Variants in PLEC observed in about 807,000 individuals in gnomAD.
PLEC encodes hemidesmosomal protein 1.
In PLEC, 216 loss-of-function variants were observed where a neutral mutation model predicts 392.8. The ratio of observed to expected loss-of-function variants is 0.55; its 90% CI spans 0.49 to 0.62. The LOEUF is 0.62. Ranked by LOEUF, PLEC falls within the 20% of genes least tolerant of loss-of-function variation. PLEC has a pLI of 0.00. For synonymous variants in PLEC, 3,621 were observed against 2,980.6 expected (o/e 1.21, Z -7.00); for missense variants, 6,863 against 6,563.4 (o/e 1.05, Z -1.58).
chr8:143,935,054 G>A lies in PLEC; in HGVS notation c.782C>T (p.Ala261Val), dbSNP rs1450472558. The A allele has an allele frequency of 7.4e-6, 12 of 1,612,736 alleles. No individual in the cohort carries two copies. Among genetic ancestry groups the A allele is most frequent in the Middle Eastern group, 1.6e-4 (1 of 6,084 alleles). The stretch of plus-strand genomic sequence containing the variant: ...CTGCACGTCCGGCACGCGGGGCATG[G>A]CGTCATACAGCGACGAGACGTAGGT... The part of the protein sequence containing the change: ...IITYVSSLYD[A>V]MPRVPDVQDG... Residue 261 changes from alanine to valine, a missense_variant, in exon 8 of 32, where the codon GCC becomes GTC. Transcript: ENST00000345136.
chr8:143,938,220 G>C lies in PLEC; in HGVS notation c.195C>G (p.Asp65Glu), dbSNP rs1829575588. Residue 65 changes from aspartate (D) to glutamate (E), a missense_variant, in exon 3 of 32, where the codon GAC becomes GAG. By Grantham distance (45) the Asp-to-Glu change is conservative (BLOSUM62 2). Coordinates refer to ENST00000345136, the MANE Select transcript of PLEC (RefSeq NM_201384.3). ...HLIKAQRHIS[D>E]LYEDLRDGHN... ...GGCCATCGCGGAGGTCTTCATACAG[G>C]TCACTGATGTGCCTCTGGGCCTGTG... 6.2e-7 allele frequency: 1 copy of C among 1,605,772 alleles called. No homozygotes were observed. Among genetic ancestry groups the C allele is most frequent in the East Asian group, 2.2e-5 (1 of 44,624 alleles).
Position 143,929,127 on chromosome 8 carries a change from C to T in PLEC, c.3236G>A (p.Ser1079Asn), listed in dbSNP as rs560911074. ...LTLGKLEQVR[S>N]LSAIYLEKLK... Reference sequence around the variant, plus strand: ...CTTCTCCAGGTAGATGGCAGACAGGCTGCGGACCTGCTCCAGCTTGCCCAG... The same window carrying T: ...CTTCTCCAGGTAGATGGCAGACAGGTTGCGGACCTGCTCCAGCTTGCCCAG... Residue 1079 changes from serine (S) to asparagine (N), a missense_variant, in exon 25 of 32, where the codon AGC (serine) becomes AAC (asparagine). Physicochemically the swap from Ser to Asn is conservative, Grantham distance 46. Coordinates refer to ENST00000345136, the MANE Select transcript of PLEC (RefSeq NM_201384.3). The T allele has an allele frequency of 1.9e-6, 3 of 1,582,474 alleles. No homozygotes were observed. Among genetic ancestry groups the T allele is most frequent in the East Asian group, 2.3e-5 (1 of 43,580 alleles).
At chr8:143,950,562 T>C in exon 1 of PLEC, 1 of 1,608,564 alleles carries the variant, frequency 6.2e-7, no homozygotes, top group East Asian at 2.2e-5. Context: ...ATGGCACGCA[T>C]GACCTGCAGG....
At position 143,927,974 on chromosome 8, in the gene PLEC, C is replaced by T. The variant is rs371818099; in HGVS notation, c.3279G>A (p.Leu1093=). The part of the protein sequence containing the change: ...IYLEKLKTIS[L]VIRGTQGAEE... ...CGGCCCCCTGCGTGCCGCGGATCAC[C>T]AGGCTGATGGTCTTGAGCCTGGCGG... Residue 1093 remains leucine (L), a synonymous_variant, in exon 26 of 32, where the codon CTG becomes CTA. Coordinates refer to ENST00000345136, the MANE Select transcript of PLEC (RefSeq NM_201384.3). The T allele has an allele frequency of 2.1e-4, 339 of 1,600,932 alleles. 2 individuals are homozygous for T. Among genetic ancestry groups the T allele is most frequent in the Admixed American group, 2.9e-4 (17 of 59,624 alleles).
intron 1 of PLEC, among the ~76,000 whole-genome samples, chr8:143,963,809 A>ATTTTTTTT (rs1190132489): frequency 1.7e-5 from 2 of 119,932 alleles, no homozygotes; most frequent in African/African-American, 3.2e-5. Context: ...CACCTGGCTA[A>ATTTTTTTT]TTTTTTTTTT....
Position 143,924,069 on chromosome 8 carries a change from T to C in PLEC, c.5860A>G (p.Asn1954Asp). The change falls in exon 31 of 32, where the codon AAC becomes GAC. Residue 1954 changes from asparagine to aspartate, a missense_variant. Physicochemically the swap from Asn to Asp is conservative, Grantham distance 23. Transcript: ENST00000345136. ...LELELGRIRS[N>D]AEDTLRSKEQ... ...TTGCTGCGCAGCGTGTCCTCCGCGT[T>C]GCTGCGGATGCGTCCCAGCTCCAGC... The C allele has an allele frequency of 6.3e-7, 1 of 1,597,650 alleles. No individual in the cohort carries two copies. The highest frequency in any genetic ancestry group is 8.5e-7 in the Non-Finnish European group (1 of 1,179,122).
At position 143,925,356 on chromosome 8, in the gene PLEC, C is replaced by T. The variant is rs2857823; in HGVS notation, c.4573G>A (p.Ala1525Thr). ...VELASRVKAE[A>T]EAAREKQRAL... ...CGCTGCTTCTCGCGCGCCGCCTCGG[C>T]CTCGGCCTTCACGCGCGAGGCCAGC... is the stretch of plus-strand genomic sequence containing the variant. Residue 1525 changes from alanine (A) to threonine (T), a missense_variant, in exon 31 of 32, where the codon GCC becomes ACC. By Grantham distance (58) the Ala-to-Thr change is moderately conservative (BLOSUM62 0). Transcript: ENST00000345136. 1.3e-6 allele frequency: 2 copies of T among 1,554,668 alleles called. No individual in the cohort carries two copies. The highest frequency in any genetic ancestry group is 3.7e-5 in the Admixed American group (2 of 54,160).
At chr8:143,928,651 T>C (rs1260349235) in intron 25 of PLEC, among the ~76,000 whole-genome samples, 3 of 128,256 alleles carry the variant, frequency 2.3e-5, no homozygotes, top group Admixed American at 7.1e-5. Context: ...GTGCTGGTTC[T>C]GTGAGGAGTA....
At chr8:143,946,584 C>A in intron 1 of PLEC, 1 of 352,084 alleles carries the variant, frequency 2.8e-6, no homozygotes, top group South Asian at 2.1e-5. Context: ...GCCCAGCAGA[C>A]CTGCCTGGGG....
chr8:143,964,772 T>C (rs370751535), intron 1 of PLEC, among the ~76,000 whole-genome samples: 1 of 152,192 alleles, frequency 6.6e-6, no homozygotes. Flanking sequence ...CTCTTAGGCC[T>C]ATCCTGTGCC....
rs1554712746 is a variant in PLEC at position 143,930,058 on chromosome 8, C to T, written c.2617G>A (p.Glu873Lys). 2 of 1,610,790 alleles carry T rather than the reference C, an allele frequency of 1.2e-6. No individual in the cohort carries two copies. Among genetic ancestry groups the T allele is most frequent in the Non-Finnish European group, 8.5e-7 (1 of 1,179,770 alleles). ...GTGACCAGGGCCTGGTGCTGGGCCTCCAGCCTGGCAGGTCAGGGCTACAGT... is the reference window on the plus strand; with the variant it reads ...GTGACCAGGGCCTGGTGCTGGGCCTTCAGCCTGGCAGGTCAGGGCTACAGT... ...QEAQEAVTRL[E>K]AQHQALVTLW... The change falls in exon 22 of 32, where the codon GAG (glutamate) becomes AAG (lysine). Residue 873 changes from glutamate to lysine, a missense_variant. Coordinates refer to ENST00000345136, the MANE Select transcript of PLEC (RefSeq NM_201384.3).
chr8:143,939,250 C>T (rs1402754439), intron 1 of PLEC, 100 bp downstream of exon 1: 9 of 1,471,446 alleles, frequency 6.1e-6, no homozygotes, highest in African/African-American at 1.4e-5. Flanking sequence ...CCAAGACCAG[C>T]CCCCCAGCGG....
chr8:143,935,125 G>C lies in PLEC; in HGVS notation c.719-8C>G. On this transcript the variant is annotated splice_polypyrimidine_tract_variant and splice_region_variant and intron_variant, in intron 7 of 31. Coordinates refer to ENST00000345136, the MANE Select transcript of PLEC (RefSeq NM_201384.3). The stretch of plus-strand genomic sequence containing the variant: ...GCTGAGGGACATCCACGTCTGCAGG[G>C]AAGGGCAGCTCAGCGGTGGCTCTGG... 5 of 1,612,838 alleles carry C rather than the reference G, an allele frequency of 3.1e-6. No homozygotes were observed. Among genetic ancestry groups the C allele is most frequent in the Non-Finnish European group, 4.2e-6 (5 of 1,179,778 alleles).
rs549263813 is a variant in PLEC at position 143,926,069 on chromosome 8, C to T, written c.4045-185G>A. 1.3e-3 allele frequency among the ~76,000 whole-genome samples: 202 copies of T among 152,364 alleles called. 2 individuals carry two copies. Among genetic ancestry groups the T allele is most frequent in the Non-Finnish European group, 2.4e-4 (16 of 68,036 alleles). On this transcript the variant is annotated intron_variant, in intron 30 of 31. Coordinates refer to ENST00000345136, the MANE Select transcript of PLEC (RefSeq NM_201384.3). ...AGGGCGCTCGGGCAGCGATCGCAGC[C>T]GGCCCCACTGTGCTCACCAGCCTGG...
chr8:143,922,415 G>A lies in PLEC; in HGVS notation c.7426-20C>T, dbSNP rs781989753. The A allele has an allele frequency of 1.2e-6, 2 of 1,600,632 alleles. No homozygotes were observed. Among genetic ancestry groups the A allele is most frequent in the South Asian group, 1.1e-5 (1 of 91,060 alleles). The stretch of plus-strand genomic sequence containing the variant: ...CTGCATCTGCAGAAGAAGAGGGTGT[G>A]ATCAGGGACCGCCAGCCCAGGAGCA... On this transcript the variant is annotated intron_variant, in intron 31 of 31. Coordinates refer to ENST00000345136, the MANE Select transcript of PLEC (RefSeq NM_201384.3).
In PLEC at chr8:143,921,268, C is replaced by G; in HGVS notation, c.8553G>C (p.Lys2851Asn). 1 of 1,614,138 alleles carries G rather than the reference C, an allele frequency of 6.2e-7. No individual in the cohort carries two copies. ...RVLADPSDDT[K>N]GFFDPNTHEN... The stretch of plus-strand genomic sequence containing the variant: ...CGTGCGTGTTGGGGTCAAAGAAGCC[C>G]TTGGTGTCGTCGCTGGGGTCCGCCA... The change falls in exon 32 of 32, where the codon AAG becomes AAC. Residue 2851 changes from lysine (K) to asparagine (N), a missense_variant. Transcript: ENST00000345136.
At chr8:143,971,358 C>T (rs1833420304) in intron 1 of PLEC, among the ~76,000 whole-genome samples, 1 of 152,072 alleles carries the variant, frequency 6.6e-6, no homozygotes, top group East Asian at 1.9e-4. Flanking sequence ...TGAGCTGGGC[C>T]CAGGACAGGG....
upstream of PLEC, chr8:143,975,238 AC>A: frequency 6.2e-7 from 1 of 1,605,460 alleles, no homozygotes. This position sits in a 1 kb window ranked among gnomAD's most constrained non-coding sequence, Gnocchi z 9.9. Context: ...TCCCAGCGCC[AC>A]CCCCGCTGCG....
Position 143,922,340 on chromosome 8 carries a change from C to T in PLEC, c.7481G>A (p.Ser2494Asn). ...LLQETQALQQSFLSEKDSLLQ... is the reference protein window; with the variant it reads ...LLQETQALQQNFLSEKDSLLQ... ...CAGGCTGTCCTTTTCAGAGAGGAAGCTTTGCTGCAGGGCCTGCGTCTCCTG... is the reference window on the plus strand; with the variant it reads ...CAGGCTGTCCTTTTCAGAGAGGAAGTTTTGCTGCAGGGCCTGCGTCTCCTG... The change falls in exon 32 of 32, where the codon AGC becomes AAC. Residue 2494 changes from serine (S) to asparagine (N), a missense_variant. By Grantham distance (46) the Ser-to-Asn change is conservative. Transcript: ENST00000345136. The T allele has an allele frequency of 6.2e-7, 1 of 1,606,104 alleles. No homozygotes were observed. The highest frequency in any genetic ancestry group is 8.5e-7 in the Non-Finnish European group (1 of 1,179,962).
Sources: gnomAD v4.1 joint callset for allele counts (sites outside exome capture counted in the v4.1 genomes callset) on GRCh38, gnomAD v4.1.1 for gene constraint, Gnocchi (gnomAD v3.1) non-coding constraint, MANE v1.5 for transcripts, NCBI Gene and HGNC (gene_info 2026-07-23, HGNC 2026-07-21) for gene names.